Variants in PDE8A observed in about 807,000 individuals in gnomAD.
PDE8A encodes the protein phosphodiesterase 8A.
Under a neutral mutation model 105.0 loss-of-function variants are expected in PDE8A, and 59 were observed. That is an observed-to-expected ratio of 0.56 (90% confidence interval 0.46 to 0.70). The LOEUF is 0.70. PDE8A is among the 30% of genes least tolerant of loss of function. The pLI is 0.00. For missense variants in PDE8A, 1,014 were observed against 1,045.9 expected, an observed-to-expected ratio of 0.97 and a Z score of 0.42; for synonymous variants, 355 against 371.9, an observed-to-expected ratio of 0.95 and a Z score of 0.52.
chr15:85,075,470 CCAT>C (rs1294763417), intron 3 of PDE8A, among the ~76,000 whole-genome samples: 1 of 152,180 alleles, frequency 6.6e-6, no homozygotes, highest in African/African-American at 2.4e-5. Context: ...GTAAGCATAG[CCAT>C]CATCTTGTGG....
At chr15:85,041,382 G>C (rs1338783492) in intron 1 of PDE8A, among the ~76,000 whole-genome samples, 1 of 152,148 alleles carries the variant, frequency 6.6e-6, no homozygotes, top group Non-Finnish European at 1.5e-5. Context: ...AGAACCGTTT[G>C]CCTGCTCTCT....
At chr15:85,068,534 AATTTGGAACACTTGGTTTCCAGT>A (rs1056304619) in intron 3 of PDE8A, among the ~76,000 whole-genome samples, 40 of 152,264 alleles carry the variant, frequency 2.6e-4, no homozygotes, top group African/African-American at 9.6e-4. Flanking sequence ...CTCAGCTGTA[AATTTGGAACACTTGGTTTCCAGT>A]ATCCCTTTTA....
chr15:85,002,271 G>T (rs912284239), intron 1 of PDE8A, among the ~76,000 whole-genome samples: 4 of 152,148 alleles, frequency 2.6e-5, no homozygotes, highest in African/African-American at 9.7e-5. Context: ...AAGTTCTCAT[G>T]ACCACCCTCT....
At chr15:85,014,787 T>G (rs1438866133) in intron 1 of PDE8A, among the ~76,000 whole-genome samples, 2 of 152,186 alleles carry the variant, frequency 1.3e-5, no homozygotes, top group African/African-American at 4.8e-5. Flanking sequence ...GAAATATAAT[T>G]CATATACTCG....
At chr15:85,089,779 A>G (rs2081612041) in intron 7 of PDE8A, among the ~76,000 whole-genome samples, 1 of 152,224 alleles carries the variant, frequency 6.6e-6, no homozygotes, top group South Asian at 2.1e-4. Flanking sequence ...CTGCAAGTAC[A>G]AGTCTTTCAC....
At position 84,981,956 on chromosome 15, in the gene PDE8A, G is replaced by A; in HGVS notation, c.-207G>A. 7.2e-6 allele frequency: 2 copies of A among 278,686 alleles called. No homozygotes were observed. The highest frequency in any genetic ancestry group is 1.3e-5 in the Non-Finnish European group (2 of 151,124). The allele number at this position is 278,686 out of a possible 1,614,324, so 17.3% of individuals were successfully genotyped here. Reference sequence around the variant, plus strand: ...GCCTCGGCACGCCACCCGCCTAAGCGCCCCCTTCCCACCGCAGCCGCCGCC... The same window carrying A: ...GCCTCGGCACGCCACCCGCCTAAGCACCCCCTTCCCACCGCAGCCGCCGCC... On this transcript the variant is annotated 5_prime_UTR_variant, in exon 1 of 22. Transcript: ENST00000394553.
chr15:84,980,884 G>A (rs1395954603), upstream of PDE8A, among the ~76,000 whole-genome samples: 1 of 152,208 alleles, frequency 6.6e-6, no homozygotes, highest in Non-Finnish European at 1.5e-5. Flanking sequence ...CTTTGCGGCC[G>A]CCCCGGCGCC....
intron 1 of PDE8A, among the ~76,000 whole-genome samples, chr15:85,038,129 T>A (rs1471285989): frequency 6.6e-6 from 1 of 152,210 alleles, no homozygotes. Flanking sequence ...TTTTGCTAGT[T>A]GAATTCAGAA....
chr15:85,046,065 CT>C (rs34486009), intron 1 of PDE8A, among the ~76,000 whole-genome samples: 78,196 of 124,446 alleles, frequency 0.63, 25,878 homozygotes, highest in Non-Finnish European at 0.75. Flanking sequence ...CTTTCTGTTT[CT>C]TTTTTTTTTT....
intron 1 of PDE8A, among the ~76,000 whole-genome samples, chr15:85,059,417 GA>G (rs2081111022): frequency 6.6e-6 from 1 of 152,192 alleles, no homozygotes; most frequent in African/African-American, 2.4e-5. Context: ...CCATTATTGA[GA>G]GGGGGGTGTT....
chr15:85,130,346 A>G (rs966727670), intron 20 of PDE8A, among the ~76,000 whole-genome samples: 1 of 152,198 alleles, frequency 6.6e-6, no homozygotes, highest in African/African-American at 2.4e-5. Context: ...ATCAAAGCAT[A>G]TGCTATTTAA....
At chr15:85,066,878 G>T (rs878914213) in intron 2 of PDE8A, 136 bp from the exon 3 acceptor site, 2 of 593,710 alleles carry the variant, frequency 3.4e-6, no homozygotes, top group Non-Finnish European at 5.8e-6. Context: ...GGCAGAGGTT[G>T]CAGTGAGCCA....
intron 1 of PDE8A, among the ~76,000 whole-genome samples, chr15:85,003,470 A>G (rs1003175082): frequency 6.6e-6 from 1 of 152,196 alleles, no homozygotes; most frequent in Non-Finnish European, 1.5e-5. Flanking sequence ...TTCACAGAAC[A>G]GGATAGTTGC....
intron 1 of PDE8A, among the ~76,000 whole-genome samples, chr15:85,061,955 G>A (rs2081152541): frequency 6.6e-6 from 1 of 151,798 alleles, no homozygotes; most frequent in South Asian, 2.1e-4. Flanking sequence ...TTTCTTTTTA[G>A]TTTTTTTCAT....
intron 11 of PDE8A, among the ~76,000 whole-genome samples, chr15:85,104,121 G>A (rs1308909791): frequency 2.6e-5 from 4 of 152,256 alleles, no homozygotes; most frequent in Non-Finnish European, 5.9e-5. Context: ...AGTGACAACT[G>A]TCCAGTCTAT....
chr15:85,043,473 G>A (rs3850985), intron 1 of PDE8A, among the ~76,000 whole-genome samples: 13,483 of 152,166 alleles, frequency 0.089, 1,659 homozygotes, highest in African/African-American at 0.28. Flanking sequence ...TGACATGTTT[G>A]AAGAAGATCT....
chr15:85,036,727 G>T (rs1025754503), intron 1 of PDE8A, among the ~76,000 whole-genome samples: 1 of 152,140 alleles, frequency 6.6e-6, no homozygotes. Flanking sequence ...TGCCTCAGCT[G>T]CCCATCTAAA....
intron 3 of PDE8A, among the ~76,000 whole-genome samples, chr15:85,068,777 G>A (rs927499145): frequency 1.3e-5 from 2 of 152,126 alleles, no homozygotes; most frequent in South Asian, 4.1e-4. Flanking sequence ...CCTAGCCACA[G>A]GTATGTGCTA....
chr15:85,050,848 A>T (rs1174445660), intron 1 of PDE8A, among the ~76,000 whole-genome samples: 1 of 152,188 alleles, frequency 6.6e-6, no homozygotes, highest in East Asian at 1.9e-4. Flanking sequence ...TCTTCAAAAA[A>T]CATATTTGGG....
Sources: gnomAD v4.1 joint callset for allele counts (sites outside exome capture counted in the v4.1 genomes callset) on GRCh38, gnomAD v4.1.1 for gene constraint, MANE v1.5 for transcripts, NCBI Gene and HGNC (gene_info 2026-07-23, HGNC 2026-07-21) for gene names.